The following CCNF variants were observed in gnomAD, a reference collection of about 807,000 sequenced individuals.
CCNF encodes cyclin-F.
CCNF carries 30 observed loss-of-function variants against 85.4 expected under a neutral mutation model. That is an observed-to-expected ratio of 0.35 (90% CI 0.26 to 0.48). The LOEUF (loss-of-function observed/expected upper bound fraction) is 0.48, where lower values mean the gene tolerates loss of function less well. CCNF is among the 20% of genes least tolerant of loss of function. The probability of loss-of-function intolerance (pLI) is 0.99; values close to 1 mark genes in which losing one functional copy is unlikely to be tolerated. For synonymous variants in CCNF, 439 were observed against 425.1 expected, an observed-to-expected ratio of 1.03 and a Z score of -0.40; for missense variants, 919 against 1,010.4, an observed-to-expected ratio of 0.91 and a Z score of 1.23.
chr16:2,449,857 C>T lies in CCNF; in HGVS notation c.1429C>T (p.Leu477Phe), dbSNP rs775163061. Residue 477 changes from leucine (L) to phenylalanine (F), a missense_variant, in exon 13 of 17, where the codon CTC becomes TTC. Physicochemically the swap from Leu to Phe is conservative, Grantham distance 22. Transcript: ENST00000397066. ...TQPWTTQLWD[L>F]TGFSYEDLIP... ...GCCCTGGACCACTCAGCTGTGGGAC[C>T]TCACCGGATTCTCCTATGAAGACCT... The T allele has an allele frequency of 7.4e-6, 12 of 1,613,346 alleles. No homozygotes were observed. In the East Asian group the frequency reaches 1.1e-4, roughly 15 times the overall value.
intron 15 of CCNF, 49 bp from the exon 16 acceptor site, chr16:2,455,346 C>T (rs949003565): frequency 1.3e-6 from 2 of 1,500,176 alleles, no homozygotes; most frequent in South Asian, 2.7e-5. Context: ...CCTGGCCTCC[C>T]AGCGCCGCCG....
intron 8 of CCNF, among the ~76,000 whole-genome samples, chr16:2,443,036 A>G (rs1332805272): frequency 8.4e-5 from 10 of 119,480 alleles, no homozygotes; most frequent in Admixed American, 2.3e-4. Context: ...TATAATATAT[A>G]ATATAATATT....
chr16:2,447,764 AG>A (rs2065369934), intron 10 of CCNF, among the ~76,000 whole-genome samples: 1 of 151,800 alleles, frequency 6.6e-6, no homozygotes, highest in African/African-American at 2.4e-5. Flanking sequence ...AAAAAAAAAA[AG>A]ATTTTAAAGG....
chr16:2,441,743 C>T (rs2141820502), intron 8 of CCNF, among the ~76,000 whole-genome samples: 1 of 151,262 alleles, frequency 6.6e-6, no homozygotes, highest in Non-Finnish European at 1.5e-5. Flanking sequence ...TCTAAAACTC[C>T]TGACCTCAAG....
rs1313710039 is a variant in CCNF at position 2,456,364 on chromosome 16, C to T, written c.1886-181C>T. The stretch of plus-strand genomic sequence containing the variant: ...ATCTCCACATTTGTTGGAGTCATGG[C>T]GGGCAGCTGTCCAACTTGGAAGAGG... On this transcript the variant is annotated intron_variant, in intron 16 of 16. Transcript: ENST00000397066. The surrounding 1 kb of genome is among the most constrained non-coding windows in gnomAD (Gnocchi z 4.5). 9 of 477,938 alleles carry T rather than the reference C, an allele frequency of 1.9e-5. No individual in the cohort carries two copies. The highest frequency in any genetic ancestry group is 1.6e-4 in the East Asian group (5 of 30,550). The allele number at this position is 477,938 out of a possible 1,614,324, so 29.6% of individuals were successfully genotyped here.
chr16:2,431,551 A>C (rs1226262601), intron 2 of CCNF, among the ~76,000 whole-genome samples: 1 of 151,434 alleles, frequency 6.6e-6, no homozygotes, highest in Non-Finnish European at 1.5e-5. Flanking sequence ...GTGGTGTCTC[A>C]CGCCTGTAAT....
In CCNF at chr16:2,455,488, C is replaced by T. The variant is rs1326323437; in HGVS notation, c.1809C>T (p.Ser603=). 6.2e-7 allele frequency: 1 copy of T among 1,607,008 alleles called. No homozygotes were observed. The highest frequency in any genetic ancestry group is 1.7e-5 in the Admixed American group (1 of 59,848). Residue 603 remains serine, a synonymous_variant, in exon 16 of 17, where the codon AGC becomes AGT. Transcript: ENST00000397066. ...LSSQEETLLG[S]FLDWSLDCCS... ...GCCAGGAGGAGACGCTGCTGGGCAG[C>T]TTCCTCGACTGGAGCCTGGACTGCT...
In CCNF at chr16:2,452,929, A is replaced by G. The variant is rs573143147; in HGVS notation, c.1488-281A>G. The stretch of plus-strand genomic sequence containing the variant: ...CTGCATGGACCACATGTGTTTATCC[A>G]TCCCGCAGCTGGTGGACATTTTGCC... On this transcript the variant is annotated intron_variant, in intron 13 of 16. Transcript: ENST00000397066. The surrounding 1 kb of genome is among the most constrained non-coding windows in gnomAD (Gnocchi z 4.1). The G allele has an allele frequency of 6.0e-6, 3 of 496,066 alleles. No homozygotes were observed. In the East Asian group the frequency reaches 1.1e-4, roughly 18 times the overall value. The allele number at this position is 496,066 out of a possible 1,614,324, so 30.7% of individuals were successfully genotyped here.
chr16:2,433,680 G>A (rs2065273671), intron 3 of CCNF, among the ~76,000 whole-genome samples: 1 of 152,196 alleles, frequency 6.6e-6, no homozygotes, highest in Non-Finnish European at 1.5e-5. Flanking sequence ...ACCAACTCCT[G>A]GTTCAAGCGA....
intron 15 of CCNF, among the ~76,000 whole-genome samples, chr16:2,455,057 C>CAAAAAAAAAAAAAAAA: frequency 2.1e-5 from 1 of 47,238 alleles, no homozygotes; most frequent in Non-Finnish European, 4.4e-5. Flanking sequence ...AAGAACACCT[C>CAAAAAAAAAAAAAAAA]AAAAAAAAAA....
chr16:2,457,367 G>A lies in CCNF; in HGVS notation c.*347G>A, dbSNP rs562005808. 3.7e-4 allele frequency: 74 copies of A among 198,936 alleles called. No homozygotes were observed. The highest frequency in any genetic ancestry group is 6.7e-4 in the Non-Finnish European group (65 of 97,482). The allele number at this position is 198,936 out of a possible 1,614,324, so 12.3% of individuals were successfully genotyped here. ...CCCAGCCCCACCAGAGCCCCGTGCC[G>A]GGAGCTGACAGCTTTCACGCTTAAG... is the stretch of plus-strand genomic sequence containing the variant. On this transcript the variant is annotated 3_prime_UTR_variant, in exon 17 of 17. Transcript: ENST00000397066.
rs549283849 is a variant in CCNF, at chr16:2,449,864, G to C, written c.1436G>C (p.Gly479Ala). ...PWTTQLWDLT[G>A]FSYEDLIPCV... Reference sequence around the variant, plus strand: ...ACCACTCAGCTGTGGGACCTCACCGGATTCTCCTATGAAGACCTCATTCCC... The same window carrying C: ...ACCACTCAGCTGTGGGACCTCACCGCATTCTCCTATGAAGACCTCATTCCC... The change falls in exon 13 of 17, where the codon GGA becomes GCA. Residue 479 changes from glycine to alanine, a missense_variant. Transcript: ENST00000397066. The C allele has an allele frequency of 6.2e-7, 1 of 1,612,234 alleles. No individual in the cohort carries two copies. Among genetic ancestry groups the C allele is most frequent in the South Asian group, 1.1e-5 (1 of 91,038 alleles).
rs2065394947 is a variant in CCNF at position 2,451,484 on chromosome 16, C to G, written c.1487+1569C>G. ...TGCTCCTCCCACCTCTCGGCACCCCCACTCCCTGGTCTCCCACTTCCCCGC... is the reference window on the plus strand; with the variant it reads ...TGCTCCTCCCACCTCTCGGCACCCCGACTCCCTGGTCTCCCACTTCCCCGC... On this transcript the variant is annotated intron_variant, in intron 13 of 16. Transcript: ENST00000397066. The surrounding 1 kb of genome is among the most constrained non-coding windows in gnomAD (Gnocchi z 4.3). 6.6e-6 allele frequency among the ~76,000 whole-genome samples: 1 copy of G among 152,204 alleles called. No homozygotes were observed. The highest frequency in any genetic ancestry group is 6.5e-5 in the Admixed American group (1 of 15,286).
intron 8 of CCNF, among the ~76,000 whole-genome samples, chr16:2,442,010 G>A (rs1377543527): frequency 1.0e-5 from 1 of 97,128 alleles, no homozygotes; most frequent in Non-Finnish European, 2.0e-5. Context: ...GTTTTGTTTT[G>A]TTTTGTTTTG....
At chr16:2,436,413 T>C (rs1453877030) in intron 4 of CCNF, 2 of 152,530 alleles carry the variant, frequency 1.3e-5, no homozygotes, top group African/African-American at 4.8e-5. Flanking sequence ...GCTTATCTGC[T>C]CAGCACCCCA....
chr16:2,455,069 A>AAC (rs2065418360), intron 15 of CCNF, among the ~76,000 whole-genome samples: 1 of 151,292 alleles, frequency 6.6e-6, no homozygotes, highest in African/African-American at 2.4e-5. Flanking sequence ...AAAAAAAAAA[A>AAC]AAAAAAAAAA....
rs772850532 is a variant in CCNF at position 2,453,202 on chromosome 16, G to A, written c.1488-8G>A. On this transcript the variant is annotated splice_region_variant and splice_polypyrimidine_tract_variant and intron_variant, in intron 13 of 16. Coordinates refer to ENST00000397066, the MANE Select transcript of CCNF (RefSeq NM_001761.3). This position sits in a 1 kb window ranked among gnomAD's most constrained non-coding sequence, Gnocchi z 5.6. Reference sequence around the variant, plus strand: ...TCACATGTCCACTCCACGTGACTCTGTTTCCAGCTTCCATGATGACGCCCC... The same window carrying A: ...TCACATGTCCACTCCACGTGACTCTATTTCCAGCTTCCATGATGACGCCCC... 8 of 1,613,354 alleles carry A rather than the reference G, an allele frequency of 5.0e-6. No individual in the cohort carries two copies. The highest frequency in any genetic ancestry group is 1.3e-5 in the African/African-American group (1 of 74,914).
intron 10 of CCNF, among the ~76,000 whole-genome samples, chr16:2,447,327 G>A (rs1433467376): frequency 1.3e-5 from 2 of 148,240 alleles, no homozygotes; most frequent in African/African-American, 2.5e-5. Flanking sequence ...GCTCACGCCT[G>A]TAATCCCAGC....
chr16:2,437,560 A>G (rs546545011), intron 5 of CCNF: 14 of 468,116 alleles, frequency 3.0e-5, no homozygotes, highest in African/African-American at 2.2e-4. Context: ...AGCTGGAAAC[A>G]TGGGGCTGAG....
Sources: gnomAD v4.1 joint callset for allele counts (sites outside exome capture counted in the v4.1 genomes callset) on GRCh38, gnomAD v4.1.1 for gene constraint, Gnocchi (gnomAD v3.1) non-coding constraint, MANE v1.5 for transcripts, NCBI Gene and HGNC (gene_info 2026-07-23, HGNC 2026-07-21) for gene names.